Variants in ZNF736 observed in about 807,000 individuals in gnomAD.
ZNF736 encodes KRAB-containing zinc-finger repressor protein.
A neutral mutation model predicts 11.7 loss-of-function variants in ZNF736; 6 were observed. The ratio of observed to expected loss-of-function variants is 0.51; its 90% CI spans 0.28 to 1.01. ZNF736 has a LOEUF of 1.01. Among genes scored for constraint, ZNF736 ranks in the 50% least tolerant of loss-of-function variants. The pLI is 0.09. For synonymous variants in ZNF736, 139 were observed against 164.7 expected (o/e 0.84, Z 1.19); for missense variants, 444 against 496.0 (o/e 0.90, Z 1.00).
rs1261671931 is a variant in ZNF736, at chr7:64,348,910, C to G, written c.1047C>G (p.Ala349=). The G allele has an allele frequency of 8.7e-6, 14 of 1,605,238 alleles. No homozygotes were observed. The highest frequency in any genetic ancestry group is 1.7e-5 in the Admixed American group (1 of 58,720). ...ACATCTGTGAAGAATGTGGCAAAGC[C>G]TTTACCCGCTCCTCAACCCTTTTTA... The part of the protein sequence containing the change: ...KPYICEECGK[A]FTRSSTLFNH... The change falls in exon 4 of 4, where the codon GCC becomes GCG. Residue 349 remains alanine (A), a synonymous_variant. Coordinates refer to ENST00000423484, the MANE Select transcript of ZNF736 (RefSeq NM_001170905.3).
intron 1 of ZNF736, among the ~76,000 whole-genome samples, chr7:64,328,955 A>ATTT (rs71060588): frequency 5.5e-5 from 8 of 146,336 alleles, no homozygotes; most frequent in Non-Finnish European, 7.5e-5. Flanking sequence ...TCTTGAGGCT[A>ATTT]TTTTTTTTTT....
At chr7:64,335,667 C>A (rs1242723628) in intron 1 of ZNF736, among the ~76,000 whole-genome samples, 1 of 152,198 alleles carries the variant, frequency 6.6e-6, no homozygotes, top group Non-Finnish European at 1.5e-5. Flanking sequence ...CCTACCTTCT[C>A]TTTGCATATC....
chr7:64,327,051 T>A (rs1789092526), intron 1 of ZNF736, among the ~76,000 whole-genome samples: 1 of 152,232 alleles, frequency 6.6e-6, no homozygotes, highest in Non-Finnish European at 1.5e-5. Flanking sequence ...TGTAAATTTC[T>A]ATTAGGTCTA....
chr7:64,349,063 A>G lies in ZNF736; in HGVS notation c.1200A>G (p.Glu400=), dbSNP rs757304151. ...IHTGEKPYKC[E]ECGKASSWFS... ...CTGGAGAGAAACCCTACAAATGTGA[A>G]GAATGTGGCAAAGCATCGAGCTGGT... Residue 400 remains glutamate (E), a synonymous_variant, in exon 4 of 4, where the codon GAA becomes GAG. Coordinates refer to ENST00000423484, the MANE Select transcript of ZNF736 (RefSeq NM_001170905.3). The G allele has an allele frequency of 6.2e-7, 1 of 1,606,148 alleles. No homozygotes were observed. The highest frequency in any genetic ancestry group is 1.1e-5 in the South Asian group (1 of 89,924).
Position 64,329,744 on chromosome 7 carries a change from C to T in ZNF736, c.4-6515C>T, listed in dbSNP as rs1254883891. Among the ~76,000 whole-genome samples, 14 of 151,692 alleles carry T rather than the reference C, an allele frequency of 9.2e-5. No individual in the cohort carries two copies. In the South Asian group the frequency reaches 2.5e-3, roughly 27 times the overall value. On this transcript the variant is annotated intron_variant, in intron 1 of 3. Transcript: ENST00000423484. Reference sequence around the variant, plus strand: ...GCACAGGACTGGCTCTCACATAAGGCCCACAGTGACCACTACCTAGCTACT... The same window carrying T: ...GCACAGGACTGGCTCTCACATAAGGTCCACAGTGACCACTACCTAGCTACT...
rs1789491178 is a variant in ZNF736, at chr7:64,351,694, T to C, written c.*2547T>C. 1 of 152,232 alleles carries C rather than the reference T, an allele frequency of 6.6e-6. No individual in the cohort carries two copies. Among genetic ancestry groups the C allele is most frequent in the Non-Finnish European group, 1.5e-5 (1 of 68,074 alleles). 9.4% of individuals were successfully genotyped at this position (152,232 alleles called of 1,614,324 possible). On this transcript the variant is annotated 3_prime_UTR_variant, in exon 4 of 4. Transcript: ENST00000423484. ...AGAAATGGCCATCACTGGCCACACT[T>C]TACTACAGATGCTCTTGCACCAAAC...
intron 1 of ZNF736, among the ~76,000 whole-genome samples, chr7:64,318,668 T>G (rs920975530): frequency 1.3e-5 from 2 of 152,218 alleles, no homozygotes; most frequent in African/African-American, 4.8e-5. Context: ...TCAATTCACA[T>G]ATTCTTAAAA....
chr7:64,343,230 A>C (rs1384634133), intron 3 of ZNF736, among the ~76,000 whole-genome samples: 1 of 152,232 alleles, frequency 6.6e-6, no homozygotes, highest in African/African-American at 2.4e-5. Flanking sequence ...AATACTACAC[A>C]GCCAAAAAAA....
rs555654381 is a variant in ZNF736, at chr7:64,326,994, G to C, written c.4-9265G>C. Among the ~76,000 whole-genome samples the C allele has an allele frequency of 1.0e-3, 159 of 152,166 alleles. 1 individual carries two copies. The highest frequency in any genetic ancestry group is 3.4e-3 in the African/African-American group (143 of 41,538). Reference sequence around the variant, plus strand: ...GGTCCATCCTTGAGAATAATCCAAGGGCTGAAGTGTAGCATTTGTATTCTG... The same window carrying C: ...GGTCCATCCTTGAGAATAATCCAAGCGCTGAAGTGTAGCATTTGTATTCTG... On this transcript the variant is annotated intron_variant, in intron 1 of 3. Coordinates refer to ENST00000423484, the MANE Select transcript of ZNF736 (RefSeq NM_001170905.3).
chr7:64,316,649 T>C lies in ZNF736; in HGVS notation c.3+2496T>C, dbSNP rs189393222. On this transcript the variant is annotated intron_variant, in intron 1 of 3. Coordinates refer to ENST00000423484, the MANE Select transcript of ZNF736 (RefSeq NM_001170905.3). The stretch of plus-strand genomic sequence containing the variant: ...TGTTCCAGTCAGCACTACTTCTCCC[T>C]GTGTTTGTCACCTTCAATATATATG... Among the ~76,000 whole-genome samples, 45 of 152,354 alleles carry C rather than the reference T, an allele frequency of 3.0e-4. 1 individual carries two copies. Among genetic ancestry groups the C allele is most frequent in the African/African-American group, 9.6e-4 (40 of 41,590 alleles).
rs1789447668 is a variant in ZNF736, at chr7:64,348,810, A to G, written c.947A>G (p.Asn316Ser). The G allele has an allele frequency of 4.4e-6, 7 of 1,587,472 alleles. No individual in the cohort carries two copies. The highest frequency in any genetic ancestry group is 1.4e-5 in the African/African-American group (1 of 73,984). Residue 316 changes from asparagine (N) to serine (S), a missense_variant, in exon 4 of 4, where the codon AAT becomes AGT. Transcript: ENST00000423484. Reference protein sequence around the residue: ...IHTGDKPYTCNECGKAFKWFS... With the variant: ...IHTGDKPYTCSECGKAFKWFS... ...ACTGGAGACAAACCCTACACATGTA[A>G]TGAATGTGGAAAAGCTTTTAAGTGG...
chr7:64,319,488 C>CTTTTTTTTT lies in ZNF736; in HGVS notation c.3+5335_3+5336insTTTTTTTTT, dbSNP rs1408764142. Among the ~76,000 whole-genome samples, 4 of 75,266 alleles carry CTTTTTTTTT rather than the reference C, an allele frequency of 5.3e-5. 1 individual carries two copies. The highest frequency in any genetic ancestry group is 1.1e-4 in the African/African-American group (2 of 18,366). 49.4% of individuals were successfully genotyped at this position (75,266 alleles called of 152,430 possible). A position where few individuals can be genotyped will look rare whatever the true frequency, so the allele number is the denominator to read the frequency against. ...CCAGGTAAATAGAAAACATTTCTTC[C>CTTTTTTTTT]CTTTTTTTTTTTTTTTTTTTTTTTT... is the stretch of plus-strand genomic sequence containing the variant. On this transcript the variant is annotated intron_variant, in intron 1 of 3. Transcript: ENST00000423484.
chr7:64,322,410 A>T (rs1335000453), intron 1 of ZNF736, among the ~76,000 whole-genome samples: 1 of 152,186 alleles, frequency 6.6e-6, no homozygotes, highest in Non-Finnish European at 1.5e-5. Context: ...ATCATCTACA[A>T]ATAGAAATTA....
intron 1 of ZNF736, among the ~76,000 whole-genome samples, chr7:64,329,123 A>G (rs1050959976): frequency 3.3e-5 from 5 of 151,376 alleles, no homozygotes; most frequent in African/African-American, 7.3e-5. Context: ...AAAATTATCA[A>G]TTTTATTGGA....
Position 64,353,748 on chromosome 7 carries a change from T to C in ZNF736, c.*4601T>C, listed in dbSNP as rs369768706. On this transcript the variant is annotated 3_prime_UTR_variant, in exon 4 of 4. Coordinates refer to ENST00000423484, the MANE Select transcript of ZNF736 (RefSeq NM_001170905.3). The stretch of plus-strand genomic sequence containing the variant: ...AAGTGACAGGATGATAGGAGTGTGG[T>C]AAGTGATCAGGATAATAATCTGCTT... 6.6e-6 allele frequency: 1 copy of C among 152,222 alleles called. No individual in the cohort carries two copies. Among genetic ancestry groups the C allele is most frequent in the East Asian group, 1.9e-4 (1 of 5,200 alleles). The allele number at this position is 152,222 out of a possible 1,614,324, so 9.4% of individuals were successfully genotyped here. A position where few individuals can be genotyped will look rare whatever the true frequency, so the allele number is the denominator to read the frequency against.
intron 1 of ZNF736, among the ~76,000 whole-genome samples, chr7:64,315,867 A>C (rs1453453491): frequency 1.3e-5 from 2 of 152,126 alleles, no homozygotes; most frequent in Non-Finnish European, 2.9e-5. Flanking sequence ...TTTAAAACGG[A>C]TGTGGCATTT....
intron 3 of ZNF736, 146 bp downstream of exon 3, chr7:64,337,128 T>C (rs758588309): frequency 5.6e-6 from 4 of 718,352 alleles, no homozygotes; most frequent in South Asian, 3.5e-5. Context: ...TGCTTTAACA[T>C]AGGGACATTT....
Position 64,342,899 on chromosome 7 carries a change from GTATT to G in ZNF736, c.227-5187_227-5184del, listed in dbSNP as rs570816987. Among the ~76,000 whole-genome samples, 373 of 151,930 alleles carry G rather than the reference GTATT, an allele frequency of 2.5e-3. 3 individuals are homozygous for G. Among genetic ancestry groups the G allele is most frequent in the African/African-American group, 8.5e-3 (354 of 41,466 alleles). The stretch of plus-strand genomic sequence containing the variant: ...ATTTTATTTTATTCCATATTGTACT[GTATT>G]TATATTGTTTATATTATTTTAGTAA... On this transcript the variant is annotated intron_variant, in intron 3 of 3. Transcript: ENST00000423484.
chr7:64,348,091 T>C lies in ZNF736; in HGVS notation c.228T>C (p.Ala76=), dbSNP rs1430870229. 1 of 1,498,074 alleles carries C rather than the reference T, an allele frequency of 6.7e-7. No individual in the cohort carries two copies. The highest frequency in any genetic ancestry group is 8.9e-7 in the Non-Finnish European group (1 of 1,127,974). 92.8% of individuals were successfully genotyped at this position (1,498,074 alleles called of 1,614,324 possible). A position where few individuals can be genotyped will look rare whatever the true frequency, so the allele number is the denominator to read the frequency against. The change falls in exon 4 of 4, where the codon GCT becomes GCC. Residue 76 remains alanine (A), a splice_region_variant and synonymous_variant. Transcript: ENST00000423484. ...KRQEAVAKHP[A]GSFHFTAEIL... is the part of the protein sequence containing the mutation. ...GAGAATTTTATTTTTTTTCTCCAGCTGGTTCTTTTCATTTTACTGCAGAGA... is the reference window on the plus strand; with the variant it reads ...GAGAATTTTATTTTTTTTCTCCAGCCGGTTCTTTTCATTTTACTGCAGAGA...
Sources: allele counts gnomAD v4.1 joint callset (sites outside exome capture counted in the v4.1 genomes callset), GRCh38; gene constraint gnomAD v4.1.1; transcripts MANE v1.5; gene names NCBI Gene and HGNC (gene_info 2026-07-23, HGNC 2026-07-21).